The following CAMK1D variants were observed in gnomAD, a reference collection of about 807,000 sequenced individuals.
The protein encoded by CAMK1D is calcium/calmodulin-dependent protein kinase type 1D.
In CAMK1D, 9 loss-of-function variants were observed where a neutral mutation model predicts 47.7. The ratio of observed to expected loss-of-function variants is 0.19; its 90% confidence interval spans 0.11 to 0.33. CAMK1D has a LOEUF of 0.33. Ranked by LOEUF, CAMK1D falls within the 10% of genes least tolerant of loss-of-function variation. The pLI is 1.00. For missense variants in CAMK1D, 291 were observed against 488.7 expected, an observed-to-expected ratio of 0.60 and a Z score of 3.81; for synonymous variants, 184 against 184.9, an observed-to-expected ratio of 0.99 and a Z score of 0.04.
chr10:12,730,922 G>A (rs189760948), intron 3 of CAMK1D, among the ~76,000 whole-genome samples: 1 of 152,272 alleles, frequency 6.6e-6, no homozygotes, highest in African/African-American at 2.4e-5. Flanking sequence ...GTTCTAGAAA[G>A]TCTCCTGGGG....
At chr10:12,455,119 C>G (rs1833202676) in intron 1 of CAMK1D, among the ~76,000 whole-genome samples, 1 of 152,176 alleles carries the variant, frequency 6.6e-6, no homozygotes, top group Admixed American at 6.5e-5. Flanking sequence ...TTCTCTTACC[C>G]TAGGAGGAGC....
intron 3 of CAMK1D, among the ~76,000 whole-genome samples, chr10:12,725,046 C>A (rs1834560429): frequency 6.6e-6 from 1 of 152,198 alleles, no homozygotes. Context: ...TAGTGTTTTG[C>A]AGCAGAAGCA....
chr10:12,702,859 G>A (rs1184880418), intron 3 of CAMK1D, among the ~76,000 whole-genome samples: 1 of 152,160 alleles, frequency 6.6e-6, no homozygotes, highest in East Asian at 1.9e-4. Context: ...GCTTCCTAGG[G>A]GCAGCCCGAA....
At chr10:12,399,381 G>A (rs1361542455) in intron 1 of CAMK1D, among the ~76,000 whole-genome samples, 1 of 152,156 alleles carries the variant, frequency 6.6e-6, no homozygotes, top group African/African-American at 2.4e-5. Flanking sequence ...GCAGGCGCCT[G>A]TAATCCCAGC....
At chr10:12,444,303 G>C (rs1190770320) in intron 1 of CAMK1D, among the ~76,000 whole-genome samples, 2 of 152,190 alleles carry the variant, frequency 1.3e-5, no homozygotes, top group Non-Finnish European at 2.9e-5. Context: ...GAGTTGCTCT[G>C]GTTCAAACGC....
intron 3 of CAMK1D, among the ~76,000 whole-genome samples, chr10:12,738,607 C>T (rs932436397): frequency 2.0e-5 from 3 of 152,000 alleles, no homozygotes; most frequent in Admixed American, 6.6e-5. Flanking sequence ...CTGAGGCGGG[C>T]GTATCACGAG....
At chr10:12,474,730 T>C (rs1176737778) in intron 1 of CAMK1D, among the ~76,000 whole-genome samples, 1 of 152,134 alleles carries the variant, frequency 6.6e-6, no homozygotes, top group Non-Finnish European at 1.5e-5. Context: ...TTATTTGTTC[T>C]GAGTCTCTCC....
At position 12,606,884 on chromosome 10, in the gene CAMK1D, G is replaced by A. The variant is rs183830994; in HGVS notation, c.224+53528G>A. The stretch of plus-strand genomic sequence containing the variant: ...CGCTCTGTCACCGGGCTGGAGTGCC[G>A]TGGCGCAGTCTCAGCTCACTGCAAC... On this transcript the variant is annotated intron_variant, in intron 2 of 10. Coordinates refer to ENST00000619168, the MANE Select transcript of CAMK1D (RefSeq NM_153498.4). Among the ~76,000 whole-genome samples the A allele has an allele frequency of 2.6e-4, 40 of 151,964 alleles. No individual in the cohort carries two copies. In the East Asian group the frequency reaches 5.0e-3, roughly 19 times the overall value.
At chr10:12,606,636 C>T (rs1322420049) in intron 2 of CAMK1D, among the ~76,000 whole-genome samples, 5 of 152,140 alleles carry the variant, frequency 3.3e-5, no homozygotes, top group African/African-American at 7.2e-5. Flanking sequence ...TCTCTCCTGC[C>T]GTATGTATAA....
intron 2 of CAMK1D, among the ~76,000 whole-genome samples, chr10:12,554,574 C>G (rs1836701281): frequency 6.6e-6 from 1 of 151,568 alleles, no homozygotes; most frequent in Admixed American, 6.6e-5. Flanking sequence ...GGATCTTGCT[C>G]TGTTGCCCAG....
At chr10:12,671,551 G>A (rs541062923) in intron 3 of CAMK1D, among the ~76,000 whole-genome samples, 4 of 151,686 alleles carry the variant, frequency 2.6e-5, no homozygotes, top group African/African-American at 7.3e-5. Flanking sequence ...GATAACTAAC[G>A]ATTTTGAACA....
chr10:12,471,605 G>A (rs1833748287), intron 1 of CAMK1D, among the ~76,000 whole-genome samples: 1 of 152,200 alleles, frequency 6.6e-6, no homozygotes. Context: ...GAAAGGCAGG[G>A]CTAGAATGCC....
chr10:12,695,145 A>C (rs952430083), intron 3 of CAMK1D, among the ~76,000 whole-genome samples: 3 of 152,130 alleles, frequency 2.0e-5, no homozygotes, highest in African/African-American at 7.2e-5. Flanking sequence ...GGAGAACCCT[A>C]ATATAGGAGC....
At chr10:12,593,189 G>A (rs1271903455) in intron 2 of CAMK1D, among the ~76,000 whole-genome samples, 1 of 152,202 alleles carries the variant, frequency 6.6e-6, no homozygotes, top group Non-Finnish European at 1.5e-5. Context: ...AAAAACAGGT[G>A]GTGGGCCAGT....
intron 3 of CAMK1D, among the ~76,000 whole-genome samples, chr10:12,741,377 T>TA (rs1236803386): frequency 6.6e-6 from 1 of 152,212 alleles, no homozygotes; most frequent in Non-Finnish European, 1.5e-5. Flanking sequence ...TCGCAGTCCT[T>TA]ACAGGACAGC....
chr10:12,473,102 G>GGGAGA (rs1833797447), intron 1 of CAMK1D, among the ~76,000 whole-genome samples: 2 of 152,160 alleles, frequency 1.3e-5, no homozygotes, highest in Admixed American at 1.3e-4. Flanking sequence ...GGGGCAGGAG[G>GGGAGA]GGAGAGGGTG....
intron 1 of CAMK1D, among the ~76,000 whole-genome samples, chr10:12,384,843 G>T (rs1838443278): frequency 6.6e-6 from 1 of 152,200 alleles, no homozygotes; most frequent in Non-Finnish European, 1.5e-5. Context: ...TCAAGACAGT[G>T]AAAAGACACC....
intron 1 of CAMK1D, among the ~76,000 whole-genome samples, chr10:12,538,736 C>A (rs891410890): frequency 6.6e-6 from 1 of 151,998 alleles, no homozygotes. Context: ...GTGCAGAAAA[C>A]AAACACACAG....
intron 2 of CAMK1D, among the ~76,000 whole-genome samples, chr10:12,561,604 C>G (rs1836946806): frequency 6.6e-6 from 1 of 152,206 alleles, no homozygotes; most frequent in East Asian, 1.9e-4. Context: ...GCAGTAAACT[C>G]AGCTTTGTTT....
Sources: allele counts gnomAD v4.1 joint callset (sites outside exome capture counted in the v4.1 genomes callset), GRCh38; gene constraint gnomAD v4.1.1; transcripts MANE v1.5; gene names NCBI Gene and HGNC (gene_info 2026-07-23, HGNC 2026-07-21).